The following RASSF3 variants were observed in gnomAD, a reference collection of about 807,000 sequenced individuals.
The protein encoded by RASSF3 is Ras association domain family member 3, also known as ras association domain-containing protein 3.
Under a neutral mutation model 19.9 loss-of-function variants are expected in RASSF3, and 19 were observed. The observed-to-expected ratio is 0.96, with a 90% CI of 0.67 to 1.40. RASSF3 has a LOEUF of 1.40. Among genes scored for constraint, RASSF3 ranks in the 40% most tolerant of loss-of-function variants. The pLI is 0.00. For synonymous variants in RASSF3, 110 were observed against 104.2 expected, an observed-to-expected ratio of 1.06 and a Z score of -0.34; for missense variants, 306 against 289.8, an observed-to-expected ratio of 1.06 and a Z score of -0.41.
intron 1 of RASSF3, among the ~76,000 whole-genome samples, chr12:64,678,696 G>T (rs544502144): frequency 2.3e-4 from 34 of 148,058 alleles, no homozygotes; most frequent in Admixed American, 8.2e-4. Flanking sequence ...CTCTTGTGGG[G>T]CTGGGGTGGG....
chr12:64,521,484 C>T (rs991602103), intron 1 of RASSF3, among the ~76,000 whole-genome samples: 2 of 152,156 alleles, frequency 1.3e-5, no homozygotes, highest in Non-Finnish European at 2.9e-5. Flanking sequence ...GGTAAATCTC[C>T]CTGGGCCAAA....
chr12:64,650,231 A>G (rs1378642879), intron 1 of RASSF3, among the ~76,000 whole-genome samples: 3 of 152,050 alleles, frequency 2.0e-5, no homozygotes, highest in East Asian at 1.9e-4. Context: ...TCATTGGCCA[A>G]TTTGATAAAC....
chr12:64,528,953 C>T (rs185411723), upstream of RASSF3, among the ~76,000 whole-genome samples: 4 of 152,310 alleles, frequency 2.6e-5, no homozygotes, highest in African/African-American at 9.6e-5. Flanking sequence ...CTCAGCCTTT[C>T]GGAACCTCAG....
chr12:64,619,284 A>G lies in RASSF3; in HGVS notation c.111+8541A>G, dbSNP rs577612558. ...CTTCTCAGCCTATCCAGGGACACAC[A>G]TACCAGCATTTTGGGGTTGTGAAAC... is the stretch of plus-strand genomic sequence containing the variant. On this transcript the variant is annotated intron_variant, in intron 1 of 4. Coordinates refer to ENST00000542104, the MANE Select transcript of RASSF3 (RefSeq NM_178169.4). Among the ~76,000 whole-genome samples, 188 of 151,726 alleles carry G rather than the reference A, an allele frequency of 1.2e-3. No individual in the cohort carries two copies. The Middle Eastern group carries it at 0.014, about 11-fold the overall frequency.
intron 2 of RASSF3, among the ~76,000 whole-genome samples, chr12:64,552,561 GTT>G (rs1176816923): frequency 1.1e-4 from 17 of 152,130 alleles, no homozygotes; most frequent in Admixed American, 2.6e-4. Flanking sequence ...AGTGTGTGTT[GTT>G]CCCCTCCCTG....
At position 64,643,865 on chromosome 12, in the gene RASSF3, T is replaced by C. The variant is rs184890138; in HGVS notation, c.111+33122T>C. On this transcript the variant is annotated intron_variant, in intron 1 of 4. Transcript: ENST00000542104. ...CAGAGTTTCATTTGTTTCCCAGTGA[T>C]TGACTAATTATTTTAACAAAGTAAA... Among the ~76,000 whole-genome samples the C allele has an allele frequency of 4.0e-4, 61 of 152,348 alleles. 1 individual carries two copies. Among genetic ancestry groups the C allele is most frequent in the African/African-American group, 1.5e-3 (61 of 41,560 alleles).
At chr12:64,533,969 A>T (rs1340605563) in intron 1 of RASSF3, among the ~76,000 whole-genome samples, 3 of 152,316 alleles carry the variant, frequency 2.0e-5, no homozygotes, top group East Asian at 3.9e-4. Context: ...ACAGAAATTA[A>T]ATATCAAGGC....
At chr12:64,684,171 C>T (rs1454699275) in intron 1 of RASSF3, among the ~76,000 whole-genome samples, 4 of 150,104 alleles carry the variant, frequency 2.7e-5, no homozygotes, top group African/African-American at 7.4e-5. Flanking sequence ...ACTACAGCCT[C>T]GACCTCTGGG....
At chr12:64,659,980 G>GTGTA (rs1555214860) in intron 1 of RASSF3, among the ~76,000 whole-genome samples, 35 of 148,146 alleles carry the variant, frequency 2.4e-4, no homozygotes, top group African/African-American at 8.7e-4. Context: ...GTGTGTGTGT[G>GTGTA]TGTATGTATG....
upstream of RASSF3, chr12:64,506,998 C>T (rs1868296140): frequency 2.6e-6 from 1 of 391,566 alleles, no homozygotes. Context: ...GAAAGAACAT[C>T]TATTAATACA....
At chr12:64,611,055 TC>T (rs1870340265) in intron 1 of RASSF3, among the ~76,000 whole-genome samples, 1 of 152,096 alleles carries the variant, frequency 6.6e-6, no homozygotes, top group Non-Finnish European at 1.5e-5. Context: ...CCAGCAGGCG[TC>T]CCCGGGCCAC....
upstream of RASSF3, among the ~76,000 whole-genome samples, chr12:64,530,397 C>T (rs902178852): frequency 1.3e-5 from 2 of 151,942 alleles, no homozygotes; most frequent in South Asian, 2.1e-4. Context: ...CCCGCCTCAG[C>T]CTCCCAAAGT....
At chr12:64,521,960 C>G (rs951239418) in intron 1 of RASSF3, among the ~76,000 whole-genome samples, 4 of 152,212 alleles carry the variant, frequency 2.6e-5, no homozygotes, top group Non-Finnish European at 5.9e-5. Flanking sequence ...CTTCTGCTGG[C>G]TTGGTTGATT....
intron 1 of RASSF3, among the ~76,000 whole-genome samples, chr12:64,525,539 T>C (rs1868566156): frequency 1.3e-5 from 2 of 152,272 alleles, no homozygotes; most frequent in African/African-American, 4.8e-5. Context: ...CTTCTCCTCA[T>C]TGTCTCATAT....
chr12:64,588,575 C>T (rs1869856435), intron 2 of RASSF3, among the ~76,000 whole-genome samples: 1 of 151,590 alleles, frequency 6.6e-6, no homozygotes, highest in Non-Finnish European at 1.5e-5. Flanking sequence ...TAAAATATAT[C>T]TATTATTAAA....
chr12:64,671,951 C>T (rs1872714987), intron 1 of RASSF3, among the ~76,000 whole-genome samples: 1 of 152,144 alleles, frequency 6.6e-6, no homozygotes, highest in South Asian at 2.1e-4. Flanking sequence ...AGGGAGAATA[C>T]AGGACAAGAA....
chr12:64,548,396 G>A (rs1011604708), intron 2 of RASSF3, among the ~76,000 whole-genome samples: 14 of 151,766 alleles, frequency 9.2e-5, no homozygotes, highest in African/African-American at 3.4e-4. Context: ...CACCATCTTG[G>A]TCAGGCTGGT....
chr12:64,591,550 G>A (rs139421243), intron 2 of RASSF3, among the ~76,000 whole-genome samples: 1 of 151,486 alleles, frequency 6.6e-6, no homozygotes, highest in African/African-American at 2.4e-5. Context: ...TCAAGATTTT[G>A]CCACACTTGT....
At chr12:64,677,007 A>C (rs1872932181) in intron 1 of RASSF3, among the ~76,000 whole-genome samples, 1 of 152,094 alleles carries the variant, frequency 6.6e-6, no homozygotes. Context: ...GGCTCGAAGG[A>C]TCCACCTGCC....
Sources: gnomAD v4.1 joint callset for allele counts (sites outside exome capture counted in the v4.1 genomes callset) on GRCh38, gnomAD v4.1.1 for gene constraint, MANE v1.5 for transcripts, NCBI Gene and HGNC (gene_info 2026-07-23, HGNC 2026-07-21) for gene names.